The following USP3 variants were observed in gnomAD, a reference collection of about 807,000 sequenced individuals.
The protein encoded by USP3 is ubiquitin carboxyl-terminal hydrolase 3.
Under a neutral mutation model 72.3 loss-of-function variants are expected in USP3, and 20 were observed. That is an observed-to-expected ratio of 0.28 (90% confidence interval 0.19 to 0.40). The LOEUF (loss-of-function observed/expected upper bound fraction) is 0.40. Among genes scored for constraint, USP3 ranks in the 10% least tolerant of loss-of-function variants. The pLI, the probability that USP3 is intolerant of heterozygous loss-of-function variation, is 1.00. For missense variants in USP3, 479 were observed against 633.9 expected, an observed-to-expected ratio of 0.76 and a Z score of 2.62; for synonymous variants, 222 against 225.3, an observed-to-expected ratio of 0.99 and a Z score of 0.13.
At chr15:63,511,610 C>T (rs1194991316) in intron 1 of USP3, among the ~76,000 whole-genome samples, 1 of 152,114 alleles carries the variant, frequency 6.6e-6, no homozygotes, top group African/African-American at 2.4e-5. Flanking sequence ...ACATAATAAA[C>T]CAGCCTCCTC....
chr15:63,504,680 T>G lies in USP3; in HGVS notation c.-60T>G. 7.0e-7 allele frequency: 1 copy of G among 1,434,070 alleles called. No homozygotes were observed. Among genetic ancestry groups the G allele is most frequent in the Non-Finnish European group, 9.4e-7 (1 of 1,067,078 alleles). 88.8% of individuals were successfully genotyped at this position (1,434,070 alleles called of 1,614,324 possible). On this transcript the variant is annotated 5_prime_UTR_variant, in exon 1 of 15. Coordinates refer to ENST00000380324, the MANE Select transcript of USP3 (RefSeq NM_006537.4). ...CACCAGACGGAGCCTCCGGAGTTCC[T>G]CCGCCCCCACCTCGCCGGGTCCTGG...
At chr15:63,539,448 T>C (rs1185492962) in intron 3 of USP3, among the ~76,000 whole-genome samples, 1 of 152,188 alleles carries the variant, frequency 6.6e-6, no homozygotes, top group Non-Finnish European at 1.5e-5. Context: ...TTAAAGAAAA[T>C]TTTAAGAATT....
intron 3 of USP3, among the ~76,000 whole-genome samples, chr15:63,541,370 A>C (rs1179626934): frequency 6.6e-6 from 1 of 152,332 alleles, no homozygotes; most frequent in Non-Finnish European, 1.5e-5. Context: ...AGCAGTTGTG[A>C]TTAAAAATTT....
Position 63,594,107 on chromosome 15 carries a change from TG to T in USP3, c.*3285del. The T allele has an allele frequency of 6.6e-6, 1 of 152,450 alleles. No homozygotes were observed. Among genetic ancestry groups the T allele is most frequent in the Non-Finnish European group, 1.5e-5 (1 of 68,196 alleles). The allele number at this position is 152,450 out of a possible 1,614,324, so 9.4% of individuals were successfully genotyped here. A position where few individuals can be genotyped will look rare whatever the true frequency, so the allele number is the denominator to read the frequency against. ...GGAACCTACTCAGCAGCTTGGTTTC[TG>T]GGGTTGGGGGCATATTTATTTCTTA... On this transcript the variant is annotated 3_prime_UTR_variant, in exon 15 of 15. Transcript: ENST00000380324.
intron 1 of USP3, among the ~76,000 whole-genome samples, chr15:63,520,274 C>T (rs1162990764): frequency 2.0e-5 from 3 of 152,172 alleles, no homozygotes; most frequent in Non-Finnish European, 4.4e-5. Context: ...TAACACCTTT[C>T]TCCAACAGTA....
At chr15:63,567,840 G>A (rs2066715537) in intron 8 of USP3, among the ~76,000 whole-genome samples, 1 of 152,174 alleles carries the variant, frequency 6.6e-6, no homozygotes, top group Admixed American at 6.5e-5. Flanking sequence ...TTGGTTTGTA[G>A]TCATTGTGCC....
chr15:63,551,882 A>G (rs904095288), intron 3 of USP3: 1 of 152,360 alleles, frequency 6.6e-6, no homozygotes, highest in East Asian at 1.9e-4. Flanking sequence ...CTGGCCTGGA[A>G]GAACAGAGCA....
intron 1 of USP3, among the ~76,000 whole-genome samples, chr15:63,505,390 C>T (rs2065698870): frequency 6.6e-6 from 1 of 152,194 alleles, no homozygotes; most frequent in Non-Finnish European, 1.5e-5. Context: ...ACCTCGAAAC[C>T]CCGAGAGGCG....
intron 1 of USP3, among the ~76,000 whole-genome samples, chr15:63,530,832 G>A (rs1208779500): frequency 6.6e-6 from 1 of 152,170 alleles, no homozygotes; most frequent in African/African-American, 2.4e-5. Flanking sequence ...CACCATAGGG[G>A]AGTACAAATA....
intron 11 of USP3, among the ~76,000 whole-genome samples, chr15:63,586,952 G>C (rs1324820175): frequency 6.6e-6 from 1 of 152,154 alleles, no homozygotes; most frequent in African/African-American, 2.4e-5. Flanking sequence ...AGACTGTCTA[G>C]TCCTCTGCCA....
At position 63,574,833 on chromosome 15, in the gene USP3, G is replaced by C. The variant is rs1168234463; in HGVS notation, c.1096+430G>C. ...TGATACAACTGCTGCTTAAGCCTGA[G>C]GCCCTGCTTTTAAGACTGTTAAAAT... is the stretch of plus-strand genomic sequence containing the variant. On this transcript the variant is annotated intron_variant, in intron 11 of 14. Coordinates refer to ENST00000380324, the MANE Select transcript of USP3 (RefSeq NM_006537.4). The surrounding 1 kb of genome is among the most constrained non-coding windows in gnomAD (Gnocchi z 4.6). 6.6e-6 allele frequency among the ~76,000 whole-genome samples: 1 copy of C among 152,162 alleles called. No homozygotes were observed. The highest frequency in any genetic ancestry group is 1.5e-5 in the Non-Finnish European group (1 of 68,014).
chr15:63,560,800 A>G (rs541405480), intron 7 of USP3, among the ~76,000 whole-genome samples: 4 of 152,262 alleles, frequency 2.6e-5, no homozygotes, highest in Admixed American at 2.0e-4. Context: ...TGACAATTGT[A>G]GTGAGCACAT....
At chr15:63,557,111 C>G (rs2066524048) in intron 5 of USP3, 1 of 168,898 alleles carries the variant, frequency 5.9e-6, no homozygotes, top group Admixed American at 6.0e-5. Context: ...CACTCCGTAG[C>G]CCAGGCTGGA....
chr15:63,539,762 AG>A (rs1280966871), intron 3 of USP3, among the ~76,000 whole-genome samples: 3 of 152,212 alleles, frequency 2.0e-5, no homozygotes, highest in African/African-American at 7.2e-5. Context: ...GAATTCAGGA[AG>A]GGAGCTGCAG....
At chr15:63,533,170 G>A (rs1000263877) in intron 2 of USP3, among the ~76,000 whole-genome samples, 49 of 151,882 alleles carry the variant, frequency 3.2e-4, no homozygotes, top group African/African-American at 1.2e-3. Context: ...ACTGACTTTT[G>A]TATCAAATCC....
chr15:63,538,339 T>C (rs1258377612), intron 3 of USP3, among the ~76,000 whole-genome samples: 1 of 152,164 alleles, frequency 6.6e-6, no homozygotes, highest in Non-Finnish European at 1.5e-5. Flanking sequence ...TTTGGAGATA[T>C]TTTTTATTGT....
Position 63,504,662 on chromosome 15 carries a change from C to G in USP3, c.-78C>G. 1 of 1,282,446 alleles carries G rather than the reference C, an allele frequency of 7.8e-7. No homozygotes were observed. The highest frequency in any genetic ancestry group is 1.1e-6 in the Non-Finnish European group (1 of 950,904). The allele number at this position is 1,282,446 out of a possible 1,614,324, so 79.4% of individuals were successfully genotyped here. A position where few individuals can be genotyped will look rare whatever the true frequency, so the allele number is the denominator to read the frequency against. On this transcript the variant is annotated 5_prime_UTR_variant, in exon 1 of 15. Coordinates refer to ENST00000380324, the MANE Select transcript of USP3 (RefSeq NM_006537.4). ...GCGCCCGGCTAGAAGCGACACCAGA[C>G]GGAGCCTCCGGAGTTCCTCCGCCCC...
chr15:63,580,759 G>A (rs1200542390), intron 11 of USP3, among the ~76,000 whole-genome samples: 2 of 150,474 alleles, frequency 1.3e-5, no homozygotes, highest in Non-Finnish European at 3.0e-5. Context: ...AAGTACAAAT[G>A]AAATATTAAG....
chr15:63,587,891 G>A (rs1035380055), intron 11 of USP3: 1 of 154,984 alleles, frequency 6.5e-6, no homozygotes, highest in Admixed American at 6.4e-5. Flanking sequence ...AGCCTTCTGT[G>A]ATCTATGTTT....
Sources: allele counts gnomAD v4.1 joint callset (sites outside exome capture counted in the v4.1 genomes callset), GRCh38; gene constraint gnomAD v4.1.1; non-coding constraint Gnocchi (gnomAD v3.1); transcripts MANE v1.5; gene names NCBI Gene and HGNC (gene_info 2026-07-23, HGNC 2026-07-21).